The following FRMD5 variants were observed in gnomAD, a reference collection of about 807,000 sequenced individuals.
FRMD5 encodes FERM domain containing 5, also known as FERM domain-containing protein 5.
FRMD5 carries 20 observed loss-of-function variants against 69.0 expected under a neutral mutation model. The observed-to-expected ratio is 0.29, with a 90% CI of 0.20 to 0.42. The LOEUF is 0.42. Among genes scored for constraint, FRMD5 ranks in the 10% least tolerant of loss-of-function variants. The pLI is 1.00. For synonymous variants in FRMD5, 271 were observed against 260.1 expected (o/e 1.04, Z -0.40); for missense variants, 595 against 708.6 (o/e 0.84, Z 1.82).
intron 1 of FRMD5, among the ~76,000 whole-genome samples, chr15:44,114,297 T>C (rs1270683256): frequency 6.6e-6 from 1 of 152,212 alleles, no homozygotes; most frequent in African/African-American, 2.4e-5. Flanking sequence ...GACAAATGTT[T>C]TGTACTATAA....
At chr15:43,975,413 A>C (rs1464127667) in intron 1 of FRMD5, among the ~76,000 whole-genome samples, 1 of 152,228 alleles carries the variant, frequency 6.6e-6, no homozygotes, top group Non-Finnish European at 1.5e-5. Flanking sequence ...CCCAGCAGAG[A>C]TATTCTTGGC....
intron 13 of FRMD5, chr15:43,876,200 C>A: frequency 6.3e-7 from 1 of 1,594,272 alleles, no homozygotes; most frequent in Non-Finnish European, 8.6e-7. Context: ...AGGCTGCACC[C>A]CCTTTCCCCG....
intron 1 of FRMD5, among the ~76,000 whole-genome samples, chr15:44,041,136 C>G (rs571908264): frequency 6.7e-6 from 1 of 149,614 alleles, no homozygotes; most frequent in Non-Finnish European, 1.5e-5. Flanking sequence ...ATCAATGCAA[C>G]AAGAAGAGAT....
At chr15:44,146,838 G>A (rs577484798) in intron 1 of FRMD5, among the ~76,000 whole-genome samples, 2 of 151,964 alleles carry the variant, frequency 1.3e-5, no homozygotes, top group Non-Finnish European at 2.9e-5. Flanking sequence ...CTTTTTAATG[G>A]GGTTGTTTGA....
In FRMD5 at chr15:43,919,204, GC is replaced by G. The variant is rs2089448650; in HGVS notation, c.329+254del. The G allele has an allele frequency of 4.5e-5, 28 of 621,096 alleles. No homozygotes were observed. In the East Asian group the frequency reaches 9.7e-4, roughly 21 times the overall value. 38.5% of individuals were successfully genotyped at this position (621,096 alleles called of 1,614,324 possible). A position where few individuals can be genotyped will look rare whatever the true frequency, so the allele number is the denominator to read the frequency against. The stretch of plus-strand genomic sequence containing the variant: ...GACGCTTCTGATTAGTTACTCCAGA[GC>G]CCTTTGAGAGTGACCAGTTCAAGAG... On this transcript the variant is annotated intron_variant, in intron 4 of 13. Coordinates refer to ENST00000417257, the MANE Select transcript of FRMD5 (RefSeq NM_032892.5).
chr15:44,174,973 A>G (rs1429731057), intron 1 of FRMD5, among the ~76,000 whole-genome samples: 2 of 152,158 alleles, frequency 1.3e-5, no homozygotes, highest in Non-Finnish European at 2.9e-5. Context: ...TAAAACCTAG[A>G]TGACAGGTTG....
chr15:44,051,139 C>CAT (rs1892644627), intron 1 of FRMD5, among the ~76,000 whole-genome samples: 1 of 78,370 alleles, frequency 1.3e-5, no homozygotes, highest in Admixed American at 1.4e-4. Context: ...CATTCAGTCA[C>CAT]TTTTTTTTTT....
chr15:43,896,906 A>G (rs779941302), intron 7 of FRMD5, among the ~76,000 whole-genome samples: 1 of 152,220 alleles, frequency 6.6e-6, no homozygotes, highest in Non-Finnish European at 1.5e-5. Context: ...GGGAAGCTGA[A>G]GTCAGTCATG....
rs555662997 is a variant in FRMD5 at position 43,878,384 on chromosome 15, C to T, written c.1136-3922G>A. Among the ~76,000 whole-genome samples, 5 of 152,246 alleles carry T rather than the reference C, an allele frequency of 3.3e-5. No homozygotes were observed. In the South Asian group the frequency reaches 8.3e-4, roughly 25 times the overall value. The stretch of plus-strand genomic sequence containing the variant: ...CATGGAATGGAACCATGGGCCAGGA[C>T]GGATTAAATCAACAGCCAGCATCTA... On this transcript the variant is annotated intron_variant, in intron 13 of 13. Transcript: ENST00000417257.
At position 43,873,302 on chromosome 15, in the gene FRMD5, C is replaced by G; in HGVS notation, c.*583G>C. 1 of 1,524,528 alleles carries G rather than the reference C, an allele frequency of 6.6e-7. No individual in the cohort carries two copies. Among genetic ancestry groups the G allele is most frequent in the Non-Finnish European group, 8.8e-7 (1 of 1,139,786 alleles). 94.4% of individuals were successfully genotyped at this position (1,524,528 alleles called of 1,614,324 possible). ...AGAAGCAACTTTCCATTTAATCATT[C>G]TACATGGATGTTTACTTTTTTAAAA... On this transcript the variant is annotated 3_prime_UTR_variant, in exon 14 of 14. Transcript: ENST00000417257.
intron 1 of FRMD5, among the ~76,000 whole-genome samples, chr15:44,045,662 AAGG>A (rs1356964370): frequency 1.3e-5 from 2 of 152,182 alleles, no homozygotes; most frequent in African/African-American, 4.8e-5. Context: ...ACTAATATAG[AAGG>A]AGGAGAAACA....
chr15:43,884,676 A>G, intron 12 of FRMD5, 51 bp downstream of exon 12: 4 of 1,543,422 alleles, frequency 2.6e-6, no homozygotes, highest in Non-Finnish European at 3.6e-6. Context: ...CTGGATTGAG[A>G]TTCTGGGATC....
upstream of FRMD5, among the ~76,000 whole-genome samples, chr15:44,197,745 C>G (rs561252392): frequency 2.0e-5 from 3 of 148,654 alleles, no homozygotes; most frequent in East Asian, 5.9e-4. Flanking sequence ...TTGTTGAAGG[C>G]AAAAGTTACT....
chr15:44,149,737 T>A (rs1424006497), intron 1 of FRMD5, among the ~76,000 whole-genome samples: 3 of 151,748 alleles, frequency 2.0e-5, no homozygotes, highest in Non-Finnish European at 2.9e-5. Context: ...TAACAGACCA[T>A]CAAAATATAT....
intron 1 of FRMD5, among the ~76,000 whole-genome samples, chr15:44,081,658 T>C (rs1894001308): frequency 6.6e-6 from 1 of 152,068 alleles, no homozygotes; most frequent in Admixed American, 6.6e-5. Context: ...GTATTTAAAA[T>C]TATTGTTCAA....
intron 1 of FRMD5, among the ~76,000 whole-genome samples, chr15:44,133,267 G>A (rs949816549): frequency 6.6e-6 from 1 of 151,198 alleles, no homozygotes; most frequent in Non-Finnish European, 1.5e-5. Context: ...AATTTTATAT[G>A]TATTTTAGTA....
chr15:43,962,715 C>T (rs1286080909), intron 1 of FRMD5, among the ~76,000 whole-genome samples: 6 of 152,066 alleles, frequency 3.9e-5, no homozygotes, highest in East Asian at 3.9e-4. Flanking sequence ...GAGATATAGA[C>T]CAATGGAACA....
chr15:44,149,249 C>T (rs181595615), intron 1 of FRMD5, among the ~76,000 whole-genome samples: 60 of 151,708 alleles, frequency 4.0e-4, no homozygotes, highest in Admixed American at 2.3e-3. Flanking sequence ...ATAGTAACCA[C>T]AGAGAAAATA....
intron 1 of FRMD5, among the ~76,000 whole-genome samples, chr15:44,024,540 T>C (rs1891350548): frequency 6.6e-6 from 1 of 152,222 alleles, no homozygotes. Context: ...CCCTAATTGC[T>C]AATAAAGTTA....
Sources: allele counts gnomAD v4.1 joint callset (sites outside exome capture counted in the v4.1 genomes callset), GRCh38; gene constraint gnomAD v4.1.1; transcripts MANE v1.5; gene names NCBI Gene and HGNC (gene_info 2026-07-23, HGNC 2026-07-21).